SAMD4A: variants seen among roughly 807,000 people sequenced by gnomAD.
SAMD4A encodes the protein protein Smaug homolog 1.
A neutral mutation model predicts 81.3 loss-of-function variants in SAMD4A; 33 were observed. The observed-to-expected ratio is 0.41, with a 90% CI of 0.31 to 0.54. The LOEUF (loss-of-function observed/expected upper bound fraction) is 0.54. Among genes scored for constraint, SAMD4A ranks in the 20% least tolerant of loss-of-function variants. The probability of loss-of-function intolerance (pLI) is 0.37; values close to 1 mark genes in which losing one functional copy is unlikely to be tolerated. For synonymous variants in SAMD4A, 389 were observed against 382.1 expected (o/e 1.02, Z -0.21); for missense variants, 854 against 951.1 (o/e 0.90, Z 1.34).
At chr14:54,747,772 A>G (rs2038003382) in intron 4 of SAMD4A, among the ~76,000 whole-genome samples, 1 of 152,182 alleles carries the variant, frequency 6.6e-6, no homozygotes, top group Non-Finnish European at 1.5e-5. Context: ...CCATTTCACC[A>G]CACACTTGCT....
intron 3 of SAMD4A, among the ~76,000 whole-genome samples, chr14:54,708,808 A>G (rs750222835): frequency 1.3e-5 from 2 of 152,236 alleles, no homozygotes; most frequent in Non-Finnish European, 2.9e-5. Context: ...TAACAGAGGT[A>G]AAACTGAGAG....
rs188529008 is a variant in SAMD4A, at chr14:54,690,406, G to A, written c.197-11656G>A. On this transcript the variant is annotated intron_variant, in intron 2 of 12. Transcript: ENST00000554335. Reference sequence around the variant, plus strand: ...ACAGCCAGAGGTTAAGTCTCCACTGGTATAGTGATAATAGACTAAGCTCTT... The same window carrying A: ...ACAGCCAGAGGTTAAGTCTCCACTGATATAGTGATAATAGACTAAGCTCTT... 3.9e-5 allele frequency among the ~76,000 whole-genome samples: 6 copies of A among 152,266 alleles called. No homozygotes were observed. In the East Asian group the frequency reaches 9.7e-4, roughly 25 times the overall value.
intron 2 of SAMD4A, among the ~76,000 whole-genome samples, chr14:54,699,516 G>A (rs2036659333): frequency 6.6e-6 from 1 of 152,066 alleles, no homozygotes; most frequent in African/African-American, 2.4e-5. Context: ...TCCAAGTTGA[G>A]ATGTACTGTC....
intron 6 of SAMD4A, among the ~76,000 whole-genome samples, chr14:54,759,078 A>C (rs2038322272): frequency 6.6e-6 from 1 of 152,226 alleles, no homozygotes; most frequent in African/African-American, 2.4e-5. Context: ...TCTTTTTTTA[A>C]TAAGTAGTGC....
At chr14:54,739,246 G>A (rs2140935927) in intron 4 of SAMD4A, among the ~76,000 whole-genome samples, 1 of 151,802 alleles carries the variant, frequency 6.6e-6, no homozygotes, top group South Asian at 2.1e-4. Context: ...ATATTGCAAA[G>A]GTTAAGGAAT....
intron 2 of SAMD4A, among the ~76,000 whole-genome samples, chr14:54,624,867 G>A (rs1469155356): frequency 6.6e-6 from 1 of 151,946 alleles, no homozygotes; most frequent in East Asian, 1.9e-4. Flanking sequence ...TGTTGTTGTT[G>A]TTTTTAAGTA....
chr14:54,679,086 A>G (rs970875286), intron 2 of SAMD4A, among the ~76,000 whole-genome samples: 9 of 152,252 alleles, frequency 5.9e-5, no homozygotes, highest in Admixed American at 3.3e-4. Flanking sequence ...GATTTTGTTT[A>G]TGACAGACTA....
In SAMD4A at chr14:54,774,833, AAATG is replaced by A. The variant is rs1485857211; in HGVS notation, c.1716-99_1716-96del. On this transcript the variant is annotated intron_variant, in intron 9 of 12. Coordinates refer to ENST00000554335, the MANE Select transcript of SAMD4A (RefSeq NM_015589.6). ...TGACTCAAAAAAAAAAAAAAAAAAA[AAATG>A]AGGAGACCTCCAAGGCGACATCCCT... 28 of 1,033,938 alleles carry A rather than the reference AAATG, an allele frequency of 2.7e-5. 1 individual carries two copies. Among genetic ancestry groups the A allele is most frequent in the Non-Finnish European group, 3.5e-5 (25 of 723,856 alleles). 64.0% of individuals were successfully genotyped at this position (1,033,938 alleles called of 1,614,324 possible).
chr14:54,649,444 T>G (rs1273696658), intron 2 of SAMD4A, among the ~76,000 whole-genome samples: 1 of 152,184 alleles, frequency 6.6e-6, no homozygotes, highest in East Asian at 1.9e-4. Flanking sequence ...CGAAGGGATG[T>G]GCATCGTGTG....
chr14:54,748,856 G>A lies in SAMD4A; in HGVS notation c.1021G>A (p.Ala341Thr). The change falls in exon 5 of 13, where the codon GCC (alanine) becomes ACC (threonine). Residue 341 changes from alanine to threonine, a missense_variant. Physicochemically the swap from Ala to Thr is moderately conservative, Grantham distance 58 (BLOSUM62 0). Coordinates refer to ENST00000554335, the MANE Select transcript of SAMD4A (RefSeq NM_015589.6). ...GAAAAGCCTCCGCCTGCACAAATAT[G>A]CCGCGCTTTTCTCCCAGATGACCTA... Reference protein sequence around the residue: ...WLKSLRLHKYAALFSQMTYEE... With the variant: ...WLKSLRLHKYTALFSQMTYEE... 1 of 1,555,368 alleles carries A rather than the reference G, an allele frequency of 6.4e-7. No individual in the cohort carries two copies. The highest frequency in any genetic ancestry group is 2.4e-5 in the East Asian group (1 of 41,584).
intron 4 of SAMD4A, among the ~76,000 whole-genome samples, chr14:54,742,400 G>A (rs974840105): frequency 1.3e-5 from 2 of 152,168 alleles, no homozygotes; most frequent in African/African-American, 4.8e-5. Context: ...CAGTGGAGGT[G>A]TGCAACCCCC....
chr14:54,725,820 T>G (rs904936690), intron 3 of SAMD4A, among the ~76,000 whole-genome samples: 2 of 152,238 alleles, frequency 1.3e-5, no homozygotes, highest in African/African-American at 2.4e-5. Context: ...AAGGGCCACA[T>G]GACTTCCAAC....
At chr14:54,725,131 A>G (rs766630652) in intron 3 of SAMD4A, among the ~76,000 whole-genome samples, 2 of 152,210 alleles carry the variant, frequency 1.3e-5, no homozygotes, top group Non-Finnish European at 2.9e-5. Context: ...GAGGAACCCA[A>G]TGTTACCCAG....
At chr14:54,711,368 A>G (rs1464735369) in intron 3 of SAMD4A, among the ~76,000 whole-genome samples, 1 of 152,210 alleles carries the variant, frequency 6.6e-6, no homozygotes, top group Admixed American at 6.5e-5. Context: ...ACATGTGATG[A>G]ACTGCCATAG....
intron 4 of SAMD4A, among the ~76,000 whole-genome samples, chr14:54,746,909 A>G (rs906213179): frequency 6.6e-6 from 1 of 152,252 alleles, no homozygotes; most frequent in Non-Finnish European, 1.5e-5. Flanking sequence ...CTGAAAGCCA[A>G]AGCTGTAGTT....
chr14:54,609,735 A>T (rs2140260280), intron 2 of SAMD4A, among the ~76,000 whole-genome samples: 1 of 152,358 alleles, frequency 6.6e-6, no homozygotes, highest in Admixed American at 6.5e-5. Flanking sequence ...AATTTCTCTG[A>T]GTGGACCCTT....
chr14:54,581,405 T>C (rs1188767954), intron 2 of SAMD4A, among the ~76,000 whole-genome samples: 2 of 152,248 alleles, frequency 1.3e-5, no homozygotes, highest in Non-Finnish European at 2.9e-5. Context: ...ACCAGGCCCC[T>C]CTGGGCCTGA....
intron 2 of SAMD4A, among the ~76,000 whole-genome samples, chr14:54,618,123 G>C (rs2034533345): frequency 6.6e-6 from 1 of 152,192 alleles, no homozygotes; most frequent in African/African-American, 2.4e-5. Flanking sequence ...CTCAACTTGA[G>C]TAAGATGGCT....
At chr14:54,678,418 T>C (rs1455840726) in intron 2 of SAMD4A, among the ~76,000 whole-genome samples, 3 of 142,594 alleles carry the variant, frequency 2.1e-5, no homozygotes, top group Non-Finnish European at 4.5e-5. Flanking sequence ...GTGTCGTATT[T>C]TGGGCAGTCA....
Sources: gnomAD v4.1 joint callset for allele counts (sites outside exome capture counted in the v4.1 genomes callset) on GRCh38, gnomAD v4.1.1 for gene constraint, MANE v1.5 for transcripts, NCBI Gene and HGNC (gene_info 2026-07-23, HGNC 2026-07-21) for gene names.